Variants in SPAG17 observed in about 807,000 individuals in gnomAD.
SPAG17 encodes sperm associated antigen 17.
SPAG17 carries 169 observed loss-of-function variants against 273.6 expected under a neutral mutation model. The observed-to-expected ratio is 0.62, with a 90% CI of 0.55 to 0.70. The LOEUF is 0.70. Among genes scored for constraint, SPAG17 ranks in the 30% least tolerant of loss-of-function variants. The probability of loss-of-function intolerance (pLI) is 0.00; values close to 1 mark genes in which losing one functional copy is unlikely to be tolerated. For missense variants in SPAG17, 2,557 were observed against 2,627.8 expected, an observed-to-expected ratio of 0.97 and a Z score of 0.59; for synonymous variants, 825 against 873.2, an observed-to-expected ratio of 0.94 and a Z score of 0.97.
At chr1:118,145,820 T>C (rs1375861272) in intron 3 of SPAG17, among the ~76,000 whole-genome samples, 1 of 152,172 alleles carries the variant, frequency 6.6e-6, no homozygotes, top group African/African-American at 2.4e-5. Flanking sequence ...GAAAATTGTT[T>C]TGAAATAAGT....
At chr1:118,169,471 A>G (rs1660318798) in intron 1 of SPAG17, among the ~76,000 whole-genome samples, 1 of 152,218 alleles carries the variant, frequency 6.6e-6, no homozygotes, top group African/African-American at 2.4e-5. Flanking sequence ...AGCTCATATT[A>G]TGAGTATTTC....
At chr1:118,051,781 T>G (rs1224142917) in intron 20 of SPAG17, among the ~76,000 whole-genome samples, 2 of 143,596 alleles carry the variant, frequency 1.4e-5, no homozygotes, top group African/African-American at 5.1e-5. Context: ...CATAATACTA[T>G]TATAATATAT....
rs1653847458 is a variant in SPAG17 at position 118,073,910 on chromosome 1, G to A, written c.2329C>T (p.Arg777Cys). The change falls in exon 17 of 49, where the codon CGC becomes TGC. Residue 777 changes from arginine to cysteine, a missense_variant. Coordinates refer to ENST00000336338, the MANE Select transcript of SPAG17 (RefSeq NM_206996.4). Reference protein sequence around the residue: ...DLEDIKKTQQRSLMDWSFTEH... With the variant: ...DLEDIKKTQQCSLMDWSFTEH... The stretch of plus-strand genomic sequence containing the variant: ...GTAAAACTCCAGTCCATTAGACTGC[G>A]CTGCTGTGTTTTCTTTATGTCCTCT... The A allele has an allele frequency of 9.5e-6, 15 of 1,575,242 alleles. No individual in the cohort carries two copies. The highest frequency in any genetic ancestry group is 4.7e-5 in the East Asian group (2 of 42,936).
chr1:118,071,965 C>T (rs950101326), intron 17 of SPAG17, among the ~76,000 whole-genome samples: 8 of 152,012 alleles, frequency 5.3e-5, no homozygotes, highest in Non-Finnish European at 7.4e-5. Flanking sequence ...TGGATTGCAC[C>T]GGCTTGCCAG....
chr1:117,998,601 G>T (rs2101692451), intron 32 of SPAG17, among the ~76,000 whole-genome samples: 1 of 152,190 alleles, frequency 6.6e-6, no homozygotes, highest in African/African-American at 2.4e-5. Context: ...GAATGTCATT[G>T]GTACTGTGAT....
chr1:117,979,709 A>G (rs933313536), intron 43 of SPAG17, among the ~76,000 whole-genome samples: 2 of 152,112 alleles, frequency 1.3e-5, no homozygotes, highest in East Asian at 3.8e-4. Context: ...ATCTTCTTTT[A>G]CTTTTTCCTT....
chr1:118,029,989 A>G (rs894721696), intron 25 of SPAG17, among the ~76,000 whole-genome samples: 25 of 152,350 alleles, frequency 1.6e-4, no homozygotes, highest in African/African-American at 6.0e-4. Flanking sequence ...TGCCACGTCA[A>G]ATCTGTCAGC....
chr1:118,074,627 G>T, intron 15 of SPAG17, 27 bp from the exon 16 acceptor site: 1 of 1,604,642 alleles, frequency 6.2e-7, no homozygotes, highest in Non-Finnish European at 8.5e-7. Flanking sequence ...CCAACATCCA[G>T]TTGTGTTCTG....
In SPAG17 at chr1:118,143,555, C is replaced by A. The variant is rs532780094; in HGVS notation, c.315+6988G>T. On this transcript the variant is annotated intron_variant, in intron 3 of 48. Coordinates refer to ENST00000336338, the MANE Select transcript of SPAG17 (RefSeq NM_206996.4). ...TCCCCACAAAAAGAAAAAAGCCAGC[C>A]AAAAAAAAAGAGATTAGGTTAGTTG... is the stretch of plus-strand genomic sequence containing the variant. Among the ~76,000 whole-genome samples, 364 of 147,258 alleles carry A rather than the reference C, an allele frequency of 2.5e-3. 2 individuals carry two copies. Among genetic ancestry groups the A allele is most frequent in the African/African-American group, 8.4e-3 (338 of 40,038 alleles).
chr1:118,176,879 G>T (rs933743247), intron 1 of SPAG17, among the ~76,000 whole-genome samples: 17 of 152,088 alleles, frequency 1.1e-4, no homozygotes, highest in Non-Finnish European at 2.9e-5. Flanking sequence ...AATAAAACTG[G>T]AAATCAATAA....
Position 118,062,620 on chromosome 1 carries a change from AAG to A in SPAG17, c.2540+4123_2540+4124del, listed in dbSNP as rs1416874447. 3.3e-5 allele frequency among the ~76,000 whole-genome samples: 5 copies of A among 152,168 alleles called. No homozygotes were observed. The East Asian group carries it at 9.6e-4, about 29-fold the overall frequency. ...TAATAATATAACCTCCATATGCATG[AAG>A]CCAAAAGCTGATATAATTATAATGA... On this transcript the variant is annotated intron_variant, in intron 18 of 48. Transcript: ENST00000336338.
intron 1 of SPAG17, among the ~76,000 whole-genome samples, chr1:118,165,508 C>T (rs918769795): frequency 6.6e-6 from 1 of 151,840 alleles, no homozygotes; most frequent in Admixed American, 6.6e-5. Flanking sequence ...TGTAATAAAC[C>T]ATTTTTCACA....
At chr1:117,964,174 G>A in intron 47 of SPAG17, 1 of 349,430 alleles carries the variant, frequency 2.9e-6, no homozygotes, top group Non-Finnish European at 5.3e-6. Context: ...ACTGTGACTG[G>A]CTTTCTATAA....
intron 3 of SPAG17, among the ~76,000 whole-genome samples, chr1:118,145,917 TG>T (rs1658961817): frequency 1.3e-5 from 2 of 152,354 alleles, no homozygotes; most frequent in South Asian, 4.1e-4. Context: ...TTTTTCATTT[TG>T]TGATGACCTA....
rs200219811 is a variant in SPAG17, at chr1:118,028,424, G to A, written c.3610-30C>T. 656 of 1,609,660 alleles carry A rather than the reference G, an allele frequency of 4.1e-4. 3 individuals are homozygous for A. The highest frequency in any genetic ancestry group is 5.1e-4 in the Non-Finnish European group (595 of 1,178,182). ...AAATAATTCAGCATGTGAATAATGG[G>A]CTGTCATTTTCTTAATGAGCTATTA... is the stretch of plus-strand genomic sequence containing the variant. On this transcript the variant is annotated intron_variant, in intron 25 of 48. Transcript: ENST00000336338.
rs752141683 is a variant in SPAG17 at position 118,042,033 on chromosome 1, C to G, written c.2824G>C (p.Glu942Gln). The G allele has an allele frequency of 1.5e-5, 24 of 1,609,950 alleles. No homozygotes were observed. The highest frequency in any genetic ancestry group is 2.0e-5 in the Non-Finnish European group (24 of 1,179,088). The change falls in exon 21 of 49, where the codon GAA (glutamate) becomes CAA (glutamine). Residue 942 changes from glutamate to glutamine, a missense_variant. Transcript: ENST00000336338. ...TCTTCTGCTAATCGATGTTGCTCTT[C>G]TTTCCATGCCTGTAAACACATTTAA... The part of the protein sequence containing the change: ...ILEGSLKAWK[E>Q]EQHRLAEEER...
intron 47 of SPAG17, 108 bp from the exon 48 acceptor site, chr1:117,964,046 A>C: frequency 4.7e-6 from 6 of 1,279,880 alleles, no homozygotes; most frequent in Non-Finnish European, 6.5e-6. Flanking sequence ...ACATCAGTTC[A>C]ATTTTAGGTA....
At chr1:118,081,076 C>A (rs1309079182) in intron 15 of SPAG17, 25 bp downstream of exon 15, 2 of 1,531,918 alleles carry the variant, frequency 1.3e-6, no homozygotes, top group East Asian at 4.5e-5. Flanking sequence ...CACACACACA[C>A]ACACACACAC....
chr1:118,126,264 G>C (rs1396916597), intron 3 of SPAG17, among the ~76,000 whole-genome samples: 1 of 140,074 alleles, frequency 7.1e-6, no homozygotes, highest in Admixed American at 7.4e-5. Flanking sequence ...GGAGTGCAGT[G>C]GCGCGATCTC....
Sources: allele counts gnomAD v4.1 joint callset (sites outside exome capture counted in the v4.1 genomes callset), GRCh38; gene constraint gnomAD v4.1.1; transcripts MANE v1.5; gene names NCBI Gene and HGNC (gene_info 2026-07-23, HGNC 2026-07-21).